LPP: variants seen among roughly 807,000 people sequenced by gnomAD.
The protein encoded by LPP is LIM domain containing preferred translocation partner in lipoma.
In LPP, 38 loss-of-function variants were observed where a neutral mutation model predicts 60.4. The observed-to-expected ratio is 0.63, with a 90% CI of 0.49 to 0.83. LPP has a LOEUF of 0.83. LPP is among the 40% of genes least tolerant of loss of function. The pLI is 0.00. For synonymous variants in LPP, 328 were observed against 290.8 expected (o/e 1.13, Z -1.30); for missense variants, 902 against 783.6 (o/e 1.15, Z -1.80).
At chr3:188,311,900 A>G (rs1753586243) in intron 2 of LPP, among the ~76,000 whole-genome samples, 1 of 152,194 alleles carries the variant, frequency 6.6e-6, no homozygotes, top group Admixed American at 6.5e-5. Context: ...CGACTTCCCA[A>G]AGTGCTGGGA....
intron 4 of LPP, among the ~76,000 whole-genome samples, chr3:188,440,582 A>G (rs1037787073): frequency 1.3e-5 from 2 of 152,194 alleles, no homozygotes; most frequent in African/African-American, 2.4e-5. Context: ...ATGCTTGCTG[A>G]CAAAACATTA....
intron 4 of LPP, among the ~76,000 whole-genome samples, chr3:188,435,414 G>A (rs1215829124): frequency 6.6e-6 from 1 of 151,988 alleles, no homozygotes; most frequent in Non-Finnish European, 1.5e-5. Context: ...TTAGTGATAA[G>A]GTGAGGTTTG....
At position 188,855,386 on chromosome 3, in the gene LPP, G is replaced by A. The variant is rs1763591556; in HGVS notation, c.1411-10814G>A. ...CTAGTGTAAGATGAACAATAAGCAT[G>A]GCAGAAGCATAGTAGCAACTAAATT... On this transcript the variant is annotated intron_variant, in intron 9 of 11. Coordinates refer to ENST00000617246, the MANE Select transcript of LPP (RefSeq NM_001375462.1). Among the ~76,000 whole-genome samples the A allele has an allele frequency of 2.0e-5, 3 of 152,172 alleles. No homozygotes were observed. In the South Asian group the frequency reaches 6.2e-4, roughly 32 times the overall value.
At chr3:188,611,546 T>C (rs1243557243) in intron 7 of LPP, among the ~76,000 whole-genome samples, 1 of 152,174 alleles carries the variant, frequency 6.6e-6, no homozygotes, top group Non-Finnish European at 1.5e-5. Context: ...TACAGTAAAA[T>C]AAAATTTTAG....
rs1359762106 is a variant in LPP at position 188,890,263 on chromosome 3, CAA to C, written c.*15788_*15789del. 2 of 212,422 alleles carry C rather than the reference CAA, an allele frequency of 9.4e-6. No homozygotes were observed. Among genetic ancestry groups the C allele is most frequent in the African/African-American group, 4.5e-5 (2 of 44,196 alleles). 13.2% of individuals were successfully genotyped at this position (212,422 alleles called of 1,614,324 possible). ...ATTCCCTGACTTAGGGAAAGGCACA[CAA>C]AAACATATAAAGAATATGTCTATTT... On this transcript the variant is annotated 3_prime_UTR_variant, in exon 12 of 12. Transcript: ENST00000617246.
intron 5 of LPP, among the ~76,000 whole-genome samples, chr3:188,503,725 T>C (rs1812628429): frequency 6.6e-6 from 1 of 152,038 alleles, no homozygotes; most frequent in Admixed American, 6.5e-5. Context: ...TCGTGGTTGA[T>C]AATTTTTTTT....
At chr3:188,718,254 G>A (rs1229661139) in intron 8 of LPP, among the ~76,000 whole-genome samples, 1 of 152,178 alleles carries the variant, frequency 6.6e-6, no homozygotes, top group Admixed American at 6.5e-5. Flanking sequence ...CCAAAGCCAT[G>A]CAACTAGGTG....
intron 2 of LPP, among the ~76,000 whole-genome samples, chr3:188,250,970 TTCCCTTCC>T (rs1729335237): frequency 7.9e-5 from 2 of 25,338 alleles, no homozygotes; most frequent in Non-Finnish European, 1.3e-4. Flanking sequence ...TTCCCTTCCC[TTCCCTTCC>T]CTCCCCTCCC....
In LPP at chr3:188,879,427, G is replaced by T. The variant is rs1769662359; in HGVS notation, c.*4948G>T. ...GGAAGGCTACCAGAAAATATATGTGGCATCCATAAAATCTTCTTTTATAGG... is the reference window on the plus strand; with the variant it reads ...GGAAGGCTACCAGAAAATATATGTGTCATCCATAAAATCTTCTTTTATAGG... On this transcript the variant is annotated 3_prime_UTR_variant, in exon 12 of 12. Transcript: ENST00000617246. The T allele has an allele frequency of 4.7e-6, 1 of 211,454 alleles. No individual in the cohort carries two copies. Among genetic ancestry groups the T allele is most frequent in the South Asian group, 1.9e-4 (1 of 5,346 alleles). 13.1% of individuals were successfully genotyped at this position (211,454 alleles called of 1,614,324 possible).
At chr3:188,387,652 C>T (rs7614549) in intron 3 of LPP, among the ~76,000 whole-genome samples, 1,526 of 151,608 alleles carry the variant, frequency 0.01, 28 homozygotes, top group African/African-American at 0.035. Flanking sequence ...CTGCAACCTC[C>T]GCCTCCTGGG....
At chr3:188,321,647 GCTGA>G (rs1047341485) in intron 2 of LPP, among the ~76,000 whole-genome samples, 2 of 152,036 alleles carry the variant, frequency 1.3e-5, no homozygotes, top group Non-Finnish European at 2.9e-5. Flanking sequence ...AACATAACTT[GCTGA>G]CTTAAAAAAA....
At chr3:188,310,976 CTT>C (rs1156762931) in intron 2 of LPP, among the ~76,000 whole-genome samples, 1 of 152,076 alleles carries the variant, frequency 6.6e-6, no homozygotes, top group Non-Finnish European at 1.5e-5. Flanking sequence ...TAAGTTTTAG[CTT>C]TCTGTTTCAC....
intron 6 of LPP, among the ~76,000 whole-genome samples, chr3:188,582,404 C>A (rs1402190103): frequency 6.6e-6 from 1 of 151,832 alleles, no homozygotes; most frequent in Non-Finnish European, 1.5e-5. Context: ...TTGTCTCGAA[C>A]TCCTGACCTC....
At chr3:188,625,468 A>C (rs772141456) in intron 7 of LPP, among the ~76,000 whole-genome samples, 4 of 152,180 alleles carry the variant, frequency 2.6e-5, no homozygotes, top group Non-Finnish European at 4.4e-5. Flanking sequence ...TTTGGTCCTC[A>C]AAAAAGAACT....
At chr3:188,243,236 A>G (rs73059634) in intron 2 of LPP, among the ~76,000 whole-genome samples, 2,587 of 152,316 alleles carry the variant, frequency 0.017, 68 homozygotes, top group African/African-American at 0.056. Flanking sequence ...CTCAGGAGTT[A>G]TACCACACTG....
chr3:188,246,204 A>G (rs1442346417), intron 2 of LPP, among the ~76,000 whole-genome samples: 3 of 150,204 alleles, frequency 2.0e-5, no homozygotes, highest in Non-Finnish European at 4.4e-5. Context: ...TTTTTCTTTC[A>G]TTAACATTAA....
chr3:188,409,114 C>A (rs1052891529), intron 4 of LPP, among the ~76,000 whole-genome samples: 1 of 152,062 alleles, frequency 6.6e-6, no homozygotes, highest in African/African-American at 2.4e-5. Flanking sequence ...GGATGGCTGG[C>A]GGATGGCTGG....
At chr3:188,408,091 A>G (rs1274464978) in intron 4 of LPP, among the ~76,000 whole-genome samples, 2 of 152,074 alleles carry the variant, frequency 1.3e-5, no homozygotes, top group Non-Finnish European at 1.5e-5. Flanking sequence ...CCTGGCCCTC[A>G]TTTATGTTTT....
intron 7 of LPP, among the ~76,000 whole-genome samples, chr3:188,635,238 G>A (rs538240230): frequency 9.8e-5 from 15 of 152,302 alleles, no homozygotes; most frequent in African/African-American, 3.1e-4. Flanking sequence ...TAACTCACAT[G>A]CTGCATTGTC....
Sources: gnomAD v4.1 joint callset for allele counts (sites outside exome capture counted in the v4.1 genomes callset) on GRCh38, gnomAD v4.1.1 for gene constraint, MANE v1.5 for transcripts, NCBI Gene and HGNC (gene_info 2026-07-23, HGNC 2026-07-21) for gene names.